The following LINGO1 variants were observed in gnomAD, a reference collection of about 807,000 sequenced individuals.
The protein encoded by LINGO1 is leucine-rich repeat and immunoglobulin-like domain-containing nogo receptor-interacting protein 1.
Under a neutral mutation model 37.3 loss-of-function variants are expected in LINGO1, and 11 were observed. The ratio of observed to expected loss-of-function variants is 0.29; its 90% CI spans 0.19 to 0.49. LINGO1 has a LOEUF of 0.49. LINGO1 is among the 20% of genes least tolerant of loss of function. LINGO1 has a pLI of 0.99. For synonymous variants in LINGO1, 387 were observed against 403.0 expected, an observed-to-expected ratio of 0.96 and a Z score of 0.48; for missense variants, 585 against 878.2, an observed-to-expected ratio of 0.67 and a Z score of 4.22.
chr15:77,704,819 C>T (rs1283498714), intron 2 of LINGO1, among the ~76,000 whole-genome samples: 4 of 152,112 alleles, frequency 2.6e-5, no homozygotes, highest in Non-Finnish European at 5.9e-5. Context: ...ACCCTGCATA[C>T]ATACTGAGCC....
intron 1 of LINGO1, among the ~76,000 whole-genome samples, chr15:77,814,285 A>C (rs2077031102): frequency 6.6e-6 from 1 of 152,226 alleles, no homozygotes; most frequent in Non-Finnish European, 1.5e-5. Flanking sequence ...GACAGGGTCA[A>C]GCCTAACTCA....
chr15:77,710,757 T>C (rs773356614), intron 2 of LINGO1, among the ~76,000 whole-genome samples: 1 of 152,250 alleles, frequency 6.6e-6, no homozygotes, highest in Non-Finnish European at 1.5e-5. Flanking sequence ...GTAGCCCCAT[T>C]TAGCAGAGCA....
intron 1 of LINGO1, among the ~76,000 whole-genome samples, chr15:77,744,794 C>A (rs1287082136): frequency 1.3e-5 from 2 of 152,108 alleles, no homozygotes; most frequent in African/African-American, 4.8e-5. Flanking sequence ...CCAGAGGCCT[C>A]ACCCTTAACC....
chr15:77,699,091 C>G (rs1351207233), upstream of LINGO1, among the ~76,000 whole-genome samples: 2 of 152,088 alleles, frequency 1.3e-5, no homozygotes. Context: ...GCTGCCACGA[C>G]AGGAGCTGCT....
At chr15:77,704,698 GGACCCTGGTCATACCCTGAGCCCC>G (rs1224956729) in intron 2 of LINGO1, among the ~76,000 whole-genome samples, 12 of 143,358 alleles carry the variant, frequency 8.4e-5, no homozygotes, top group African/African-American at 3.1e-4. Flanking sequence ...GACTGGGCTC[GGACCCTGGTCATACCCTGAGCCCC>G]GACCCTGGTC....
chr15:77,746,627 G>T (rs944809988), intron 1 of LINGO1, among the ~76,000 whole-genome samples: 6 of 152,152 alleles, frequency 3.9e-5, no homozygotes, highest in Non-Finnish European at 8.8e-5. Context: ...GGGGCGAGGA[G>T]CCCTGCCTGG....
intron 1 of LINGO1, among the ~76,000 whole-genome samples, chr15:77,783,835 C>T (rs2076745450): frequency 6.6e-6 from 1 of 152,202 alleles, no homozygotes. Context: ...GCTTTTTTTC[C>T]TCGGTGCTGG....
intron 2 of LINGO1, among the ~76,000 whole-genome samples, chr15:77,709,274 A>G (rs1254289708): frequency 6.6e-6 from 1 of 152,226 alleles, no homozygotes; most frequent in Non-Finnish European, 1.5e-5. Flanking sequence ...CCATCTCCAG[A>G]GGTGTGCGAG....
intron 1 of LINGO1, among the ~76,000 whole-genome samples, chr15:77,759,683 T>C (rs1022255728): frequency 1.3e-5 from 2 of 152,202 alleles, no homozygotes; most frequent in Non-Finnish European, 2.9e-5. Flanking sequence ...GGAGACCACA[T>C]TAGACAGTGA....
intron 1 of LINGO1, among the ~76,000 whole-genome samples, chr15:77,774,506 T>C (rs1366871009): frequency 1.3e-5 from 2 of 152,236 alleles, no homozygotes; most frequent in African/African-American, 4.8e-5. Flanking sequence ...GGGAACTCCA[T>C]GGGCTGCTCT....
intron 1 of LINGO1, among the ~76,000 whole-genome samples, chr15:77,622,270 G>A (rs2073946408): frequency 6.6e-6 from 1 of 151,882 alleles, no homozygotes; most frequent in Non-Finnish European, 1.5e-5. Context: ...CAGAGGAGAG[G>A]AAGAGAGAGG....
At chr15:77,747,173 GT>G (rs1440970408) in intron 1 of LINGO1, among the ~76,000 whole-genome samples, 5 of 152,300 alleles carry the variant, frequency 3.3e-5, no homozygotes, top group African/African-American at 1.2e-4. Flanking sequence ...CAGAGCTCCA[GT>G]CCCCTGTCCC....
intron 2 of LINGO1, among the ~76,000 whole-genome samples, chr15:77,689,343 G>A (rs995415739): frequency 2.6e-5 from 4 of 152,292 alleles, no homozygotes; most frequent in Middle Eastern, 3.4e-3. Context: ...CAGGAGGTCC[G>A]GAACTGTCGA....
intron 1 of LINGO1, among the ~76,000 whole-genome samples, chr15:77,762,609 C>A (rs573246999): frequency 1.3e-5 from 2 of 152,324 alleles, no homozygotes; most frequent in South Asian, 4.1e-4. Context: ...AGAGGGAAAG[C>A]ACACAGGGGT....
At chr15:77,800,683 C>A (rs1359720417) in intron 1 of LINGO1, among the ~76,000 whole-genome samples, 1 of 152,142 alleles carries the variant, frequency 6.6e-6, no homozygotes, top group Non-Finnish European at 1.5e-5. Context: ...AATCCAGAAG[C>A]CATAAAGTGA....
At chr15:77,630,881 G>T (rs74025331) in intron 1 of LINGO1, among the ~76,000 whole-genome samples, 24,884 of 152,114 alleles carry the variant, frequency 0.16, 3,730 homozygotes, top group African/African-American at 0.39. Flanking sequence ...GTCTCTCCCC[G>T]GTGCCACCCT....
upstream of LINGO1, chr15:77,788,646 T>A (rs1002146317): frequency 2.6e-5 from 4 of 152,212 alleles, no homozygotes; most frequent in African/African-American, 9.7e-5. Context: ...AATAACTATT[T>A]GCAAAGTGAA....
At chr15:77,813,501 C>T (rs1041216994) in intron 1 of LINGO1, among the ~76,000 whole-genome samples, 20 of 152,216 alleles carry the variant, frequency 1.3e-4, no homozygotes, top group Admixed American at 4.6e-4. Context: ...GCATGACAGC[C>T]AGCCTGGGCT....
Position 77,810,307 on chromosome 15 carries a change from G to A in LINGO1, c.-458+9951C>T, listed in dbSNP as rs553693197. On this transcript the variant is annotated intron_variant, in intron 1 of 5. Transcript: ENST00000562933. ...ACAAGCACACACACACGGGTAACTAGGCTCACACACACACATACACATGCA... is the reference window on the plus strand; with the variant it reads ...ACAAGCACACACACACGGGTAACTAAGCTCACACACACACATACACATGCA... Among the ~76,000 whole-genome samples, 5 of 149,522 alleles carry A rather than the reference G, an allele frequency of 3.3e-5. No homozygotes were observed. The South Asian group carries it at 6.4e-4, about 19-fold the overall frequency.
Sources: allele counts gnomAD v4.1 joint callset (sites outside exome capture counted in the v4.1 genomes callset), GRCh38; gene constraint gnomAD v4.1.1; transcripts MANE v1.5; gene names NCBI Gene and HGNC (gene_info 2026-07-23, HGNC 2026-07-21).